Variants in RASA1 observed in about 807,000 individuals in gnomAD.
RASA1 encodes ras GTPase-activating protein 1.
RASA1 carries 25 observed loss-of-function variants against 132.2 expected under a neutral mutation model. The observed-to-expected ratio is 0.19, with a 90% CI of 0.14 to 0.26. The LOEUF (loss-of-function observed/expected upper bound fraction) is 0.26. Among genes scored for constraint, RASA1 ranks in the 10% least tolerant of loss-of-function variants. The pLI, the probability that RASA1 is intolerant of heterozygous loss-of-function variation, is 1.00. For missense variants in RASA1, 964 were observed against 1,299.2 expected (o/e 0.74, Z 3.97); for synonymous variants, 477 against 449.9 (o/e 1.06, Z -0.76).
intron 6 of RASA1, among the ~76,000 whole-genome samples, chr5:87,345,596 T>C (rs904082297): frequency 6.6e-6 from 1 of 152,132 alleles, no homozygotes; most frequent in Non-Finnish European, 1.5e-5. Context: ...TCTGAATCAG[T>C]GAGTTAATGC....
rs369794218 is a variant in RASA1, at chr5:87,314,122, A to G, written c.540-17226A>G. Among the ~76,000 whole-genome samples, 8 of 152,210 alleles carry G rather than the reference A, an allele frequency of 5.3e-5. No homozygotes were observed. The East Asian group carries it at 1.5e-3, about 29-fold the overall frequency. ...CGGGACGTGGAGGTTGCGGTGAGTC[A>G]AGATCATGCCATTGCACTCCAGCCT... is the stretch of plus-strand genomic sequence containing the variant. On this transcript the variant is annotated intron_variant, in intron 1 of 24. Transcript: ENST00000274376.
chr5:87,275,009 AT>A, intron 1 of RASA1, among the ~76,000 whole-genome samples: 1 of 152,332 alleles, frequency 6.6e-6, no homozygotes, highest in Admixed American at 6.5e-5. Context: ...TGGATCATTG[AT>A]TAGCCACTCT....
At chr5:87,285,904 C>T (rs1234780721) in intron 1 of RASA1, among the ~76,000 whole-genome samples, 10 of 152,266 alleles carry the variant, frequency 6.6e-5, no homozygotes, top group Non-Finnish European at 1.2e-4. Context: ...CAGGTCTGAG[C>T]CACCGTGCCC....
rs531381490 is a variant in RASA1, at chr5:87,292,122, CT to C, written c.539+23136del. On this transcript the variant is annotated intron_variant, in intron 1 of 24. Transcript: ENST00000274376. ...ATTTTTCTCCCAGTCTATGGTTTGTCTTTTCATTTTCTTGACAGTTGCTTTT... is the reference window on the plus strand; with the variant it reads ...ATTTTTCTCCCAGTCTATGGTTTGTCTTTCATTTTCTTGACAGTTGCTTTT... Among the ~76,000 whole-genome samples, 16 of 152,198 alleles carry C rather than the reference CT, an allele frequency of 1.1e-4. No individual in the cohort carries two copies. In the South Asian group the frequency reaches 1.9e-3, roughly 18 times the overall value.
intron 8 of RASA1, among the ~76,000 whole-genome samples, chr5:87,349,996 T>C (rs1340196616): frequency 6.6e-6 from 1 of 151,922 alleles, no homozygotes; most frequent in Non-Finnish European, 1.5e-5. Flanking sequence ...CTATAACTAA[T>C]AACTCTCTAT....
intron 23 of RASA1, among the ~76,000 whole-genome samples, chr5:87,388,523 A>G (rs865971456): frequency 5.9e-5 from 9 of 152,206 alleles, no homozygotes; most frequent in Admixed American, 1.3e-4. Context: ...TCAACTGGCA[A>G]GTATACTGCA....
intron 7 of RASA1, among the ~76,000 whole-genome samples, chr5:87,348,737 G>T (rs1759043044): frequency 6.6e-6 from 1 of 151,596 alleles, no homozygotes; most frequent in Non-Finnish European, 1.5e-5. Flanking sequence ...GGGATTATAT[G>T]CATGTACCAC....
chr5:87,382,823 C>T (rs748964744), intron 20 of RASA1, among the ~76,000 whole-genome samples: 79 of 151,994 alleles, frequency 5.2e-4, no homozygotes, highest in Non-Finnish European at 1.0e-3. Flanking sequence ...GTGGCTCAAG[C>T]CTGTAATCTC....
chr5:87,338,526 TATATATAAA>T (rs1478391082), intron 5 of RASA1, among the ~76,000 whole-genome samples: 9 of 100,888 alleles, frequency 8.9e-5, no homozygotes, highest in East Asian at 3.2e-4. Flanking sequence ...TATATATATA[TATATATAAA>T]ATTTTTTTTT....
intron 1 of RASA1, among the ~76,000 whole-genome samples, chr5:87,284,400 G>GT (rs1291542470): frequency 6.6e-6 from 1 of 152,116 alleles, no homozygotes; most frequent in Non-Finnish European, 1.5e-5. Context: ...CATCAGTTGG[G>GT]TTTTAGGGTG....
intron 1 of RASA1, among the ~76,000 whole-genome samples, chr5:87,287,883 C>A (rs1754730368): frequency 8.5e-6 from 1 of 117,762 alleles, no homozygotes; most frequent in African/African-American, 3.3e-5. Context: ...ATACACACAC[C>A]ATATATATAC....
Position 87,391,133 on chromosome 5 carries a change from G to T in RASA1, c.*250G>T. The T allele has an allele frequency of 1.7e-6, 1 of 586,108 alleles. No individual in the cohort carries two copies. The highest frequency in any genetic ancestry group is 3.1e-6 in the Non-Finnish European group (1 of 327,854). The allele number at this position is 586,108 out of a possible 1,614,324, so 36.3% of individuals were successfully genotyped here. ...TCTTTAACAACCTCTGAGCCTTGGT[G>T]TACAGACCACCTTTCACAAAACGAA... On this transcript the variant is annotated 3_prime_UTR_variant, in exon 25 of 25. Coordinates refer to ENST00000274376, the MANE Select transcript of RASA1 (RefSeq NM_002890.3).
In RASA1 at chr5:87,267,918, CG is replaced by C. The variant is rs1455865914; in HGVS notation, c.-533del. ...AGCTCCAGGTAGTGAGCAGTTCAGT[CG>C]ATTTCCTCGTTACCCCGCCCCCCTT... On this transcript the variant is annotated 5_prime_UTR_variant, in exon 1 of 25. Transcript: ENST00000274376. 2.5e-6 allele frequency: 1 copy of C among 392,836 alleles called. No individual in the cohort carries two copies. Among genetic ancestry groups the C allele is most frequent in the Non-Finnish European group, 4.5e-6 (1 of 223,704 alleles). The allele number at this position is 392,836 out of a possible 1,614,324, so 24.3% of individuals were successfully genotyped here.
At chr5:87,334,789 G>C (rs957377073) in intron 4 of RASA1, among the ~76,000 whole-genome samples, 5 of 152,158 alleles carry the variant, frequency 3.3e-5, no homozygotes, top group African/African-American at 1.2e-4. Context: ...ACTTTAATCT[G>C]TATGATGAAA....
At chr5:87,325,041 G>T (rs1181609087) in intron 1 of RASA1, among the ~76,000 whole-genome samples, 5 of 152,020 alleles carry the variant, frequency 3.3e-5, no homozygotes, top group Non-Finnish European at 5.9e-5. Context: ...CACTTATAAA[G>T]GAAAGAGGCT....
chr5:87,377,845 C>T (rs1761431188), intron 17 of RASA1, among the ~76,000 whole-genome samples: 1 of 152,096 alleles, frequency 6.6e-6, no homozygotes, highest in South Asian at 2.1e-4. Flanking sequence ...AACTATTTTC[C>T]TCCTCATCAC....
chr5:87,338,501 T>A (rs1356500226), intron 5 of RASA1, among the ~76,000 whole-genome samples: 2 of 75,682 alleles, frequency 2.6e-5, no homozygotes, highest in African/African-American at 4.9e-5. Context: ...CCAGCTAATT[T>A]TATATATATA....
chr5:87,304,826 A>C (rs1369611313), intron 1 of RASA1, among the ~76,000 whole-genome samples: 1 of 151,490 alleles, frequency 6.6e-6, no homozygotes, highest in East Asian at 1.9e-4. Flanking sequence ...ATGTTTGTTT[A>C]CACATGTATT....
intron 9 of RASA1, among the ~76,000 whole-genome samples, chr5:87,361,827 T>C (rs998764729): frequency 6.6e-6 from 1 of 151,884 alleles, no homozygotes; most frequent in Non-Finnish European, 1.5e-5. Context: ...AATATAAATA[T>C]GTTGCTTAGT....
Sources: allele counts gnomAD v4.1 joint callset (sites outside exome capture counted in the v4.1 genomes callset), GRCh38; gene constraint gnomAD v4.1.1; transcripts MANE v1.5; gene names NCBI Gene and HGNC (gene_info 2026-07-23, HGNC 2026-07-21).